DSC3: variants seen among roughly 807,000 people sequenced by gnomAD.
DSC3 encodes desmocollin 3.
A neutral mutation model predicts 89.5 loss-of-function variants in DSC3; 97 were observed. The ratio of observed to expected loss-of-function variants is 1.08; its 90% CI spans 0.92 to 1.28. DSC3 has a LOEUF of 1.28. Ranked by LOEUF, DSC3 falls within the 50% of genes most tolerant of loss-of-function variation. The pLI is 0.00. For synonymous variants in DSC3, 436 were observed against 384.1 expected (o/e 1.14, Z -1.58); for missense variants, 1,199 against 1,085.3 (o/e 1.10, Z -1.47).
In DSC3 at chr18:31,032,222, T is replaced by G. The variant is rs770393467; in HGVS notation, c.124A>C (p.Lys42Gln). Residue 42 changes from lysine to glutamine, a missense_variant, in exon 2 of 16, where the codon AAA becomes CAA. Lys to Gln is a moderately conservative substitution (Grantham distance 53). Transcript: ENST00000360428. The stretch of plus-strand genomic sequence containing the variant: ...CCAATTATTTTGTCTGCCTCTAGTT[T>G]AGAAGGTACATTAAGTATCACCTTT... ...CKKVILNVPS[K>Q]LEADKIIGRV... is the part of the protein sequence containing the mutation. The G allele has an allele frequency of 6.2e-7, 1 of 1,613,752 alleles. No homozygotes were observed. Among genetic ancestry groups the G allele is most frequent in the South Asian group, 1.1e-5 (1 of 91,082 alleles).
intron 14 of DSC3, among the ~76,000 whole-genome samples, chr18:30,997,679 G>A (rs1984523348): frequency 6.6e-6 from 1 of 152,182 alleles, no homozygotes; most frequent in Non-Finnish European, 1.5e-5. Flanking sequence ...TCCAGGGAGA[G>A]AGAAAAACAA....
chr18:31,029,189 C>T (rs1285570861), intron 4 of DSC3, among the ~76,000 whole-genome samples: 1 of 152,076 alleles, frequency 6.6e-6, no homozygotes, highest in Non-Finnish European at 1.5e-5. Flanking sequence ...AGGCCAATAA[C>T]CCACATGAGA....
In DSC3 at chr18:30,997,018, T is replaced by A; in HGVS notation, c.2266A>T (p.Thr756Ser). ...CSANGFMTQT[T>S]NNSSQGFCGT... ...CAAAAACCTTGGCTAGAGTTGTTGGTAGTTTGGGTCATAAATCCATTGGCA... is the reference window on the plus strand; with the variant it reads ...CAAAAACCTTGGCTAGAGTTGTTGGAAGTTTGGGTCATAAATCCATTGGCA... The change falls in exon 15 of 16, where the codon ACC becomes TCC. Residue 756 changes from threonine to serine, a missense_variant. Thr to Ser is a moderately conservative substitution (Grantham distance 58). Transcript: ENST00000360428. 1 of 1,614,146 alleles carries A rather than the reference T, an allele frequency of 6.2e-7. No homozygotes were observed. Among genetic ancestry groups the A allele is most frequent in the Non-Finnish European group, 8.5e-7 (1 of 1,180,016 alleles).
Position 31,042,689 on chromosome 18 carries a change from C to CG in DSC3, c.-30dup. 6.5e-7 allele frequency: 1 copy of CG among 1,544,878 alleles called. No individual in the cohort carries two copies. The highest frequency in any genetic ancestry group is 1.2e-5 in the South Asian group (1 of 83,736). ...GATGCCGGGCAGGGCCAGGAGAACG[C>CG]GGGCGCCGGGAGGGTGCCGAGAGCG... On this transcript the variant is annotated 5_prime_UTR_variant, in exon 1 of 16. Coordinates refer to ENST00000360428, the MANE Select transcript of DSC3 (RefSeq NM_001941.5).
chr18:31,025,782 CG>C lies in DSC3; in HGVS notation c.607del (p.Arg203ValfsTer9). 1.2e-6 allele frequency: 2 copies of C among 1,613,076 alleles called. No homozygotes were observed. The highest frequency in any genetic ancestry group is 8.5e-7 in the Non-Finnish European group (1 of 1,179,286). ...GNLFCTRPVD[R>X]EEYDVFDLIA... ...TACATCAAAAACATCATATTCTTCA[CG>C]ATCCACAGGCCGAGTGCAAAATAGA... On this transcript the variant is annotated frameshift_variant, in exon 5 of 16. Coordinates refer to ENST00000360428, the MANE Select transcript of DSC3 (RefSeq NM_001941.5). LOFTEE classifies it high-confidence loss of function.
intron 9 of DSC3, among the ~76,000 whole-genome samples, chr18:31,014,756 T>C (rs984077782): frequency 6.6e-6 from 1 of 152,110 alleles, no homozygotes; most frequent in Non-Finnish European, 1.5e-5. Context: ...CTGTGACATA[T>C]TGAATACAAA....
chr18:31,004,664 T>C (rs1984778273), intron 12 of DSC3, among the ~76,000 whole-genome samples: 1 of 152,220 alleles, frequency 6.6e-6, no homozygotes, highest in South Asian at 2.1e-4. Context: ...GCTGTTAACA[T>C]ACACTTCAAG....
At chr18:31,041,069 G>A (rs188693253) in intron 1 of DSC3, among the ~76,000 whole-genome samples, 1 of 151,750 alleles carries the variant, frequency 6.6e-6, no homozygotes, top group Admixed American at 6.6e-5. Flanking sequence ...TTAGATTTAC[G>A]CGCACCTTCT....
Position 31,031,104 on chromosome 18 carries a change from T to C in DSC3, c.223A>G (p.Asn75Asp). ...RSSDPDFRVL[N>D]DGSVYTARAV... Reference sequence around the variant, plus strand: ...CTGGCTGTGTACACTGACCCATCATTTAGAACTCTGAAATCAGGATCACTT... The same window carrying C: ...CTGGCTGTGTACACTGACCCATCATCTAGAACTCTGAAATCAGGATCACTT... The change falls in exon 3 of 16, where the codon AAT (asparagine) becomes GAT (aspartate). Residue 75 changes from asparagine to aspartate, a missense_variant. Physicochemically the swap from Asn to Asp is conservative, Grantham distance 23 (BLOSUM62 1). Transcript: ENST00000360428. 6.2e-7 allele frequency: 1 copy of C among 1,613,782 alleles called. No individual in the cohort carries two copies. The highest frequency in any genetic ancestry group is 8.5e-7 in the Non-Finnish European group (1 of 1,179,898).
chr18:31,032,554 A>ATGTGTG (rs936935279), intron 1 of DSC3, among the ~76,000 whole-genome samples: 64 of 92,372 alleles, frequency 6.9e-4, no homozygotes, highest in African/African-American at 1.8e-3. Flanking sequence ...TTCTGTGTGT[A>ATGTGTG]TGTGTGTGTG....
chr18:31,001,163 A>G (rs1355754602), intron 14 of DSC3, among the ~76,000 whole-genome samples: 2 of 149,712 alleles, frequency 1.3e-5, no homozygotes, highest in African/African-American at 4.9e-5. Flanking sequence ...CCTAAGAAAT[A>G]TATAAGGAAA....
chr18:31,006,979 C>A lies in DSC3; in HGVS notation c.1816G>T (p.Ala606Ser). ...AVDPDEPVHG[A>S]PFYFSLPNTS... is the part of the protein sequence containing the mutation. ...TTGGGCAAACTGAAATAAAATGGAG[C>A]TCCATGGACAGGTTCATCAGGATCA... Residue 606 changes from alanine (A) to serine (S), a missense_variant, in exon 12 of 16, where the codon GCT becomes TCT. By Grantham distance (99) the Ala-to-Ser change is moderately conservative. Transcript: ENST00000360428. 2 of 1,613,912 alleles carry A rather than the reference C, an allele frequency of 1.2e-6. No homozygotes were observed. Among genetic ancestry groups the A allele is most frequent in the Non-Finnish European group, 1.7e-6 (2 of 1,179,934 alleles).
In DSC3 at chr18:31,018,243, A is replaced by G; in HGVS notation, c.1091T>C (p.Val364Ala). 6.2e-7 allele frequency: 1 copy of G among 1,610,192 alleles called. No individual in the cohort carries two copies. Among genetic ancestry groups the G allele is most frequent in the African/African-American group, 1.3e-5 (1 of 74,954 alleles). Residue 364 changes from valine (V) to alanine (A), a missense_variant, in exon 9 of 16, where the codon GTA (valine) becomes GCA (alanine). Val to Ala is a moderately conservative substitution (Grantham distance 64, BLOSUM62 0). Coordinates refer to ENST00000360428, the MANE Select transcript of DSC3 (RefSeq NM_001941.5). ...TTCCACATTGAATGCATTTTCCTCT[A>G]CAAATGCTTCATACTGAAACAGAAA... ...TFRQNAYEAFVEENAFNVEIL... is the reference protein window; with the variant it reads ...TFRQNAYEAFAEENAFNVEIL...
intron 12 of DSC3, among the ~76,000 whole-genome samples, chr18:31,006,548 C>T (rs1984849800): frequency 6.6e-6 from 1 of 152,098 alleles, no homozygotes; most frequent in Admixed American, 6.6e-5. Flanking sequence ...GATCCACCCA[C>T]CTAGGCCTCC....
At chr18:31,035,597 CA>C (rs1447249515) in intron 1 of DSC3, among the ~76,000 whole-genome samples, 3 of 151,108 alleles carry the variant, frequency 2.0e-5, no homozygotes, top group Non-Finnish European at 3.0e-5. Context: ...TTTGAATCCC[CA>C]AAAAAAAGCT....
intron 15 of DSC3, chr18:30,994,616 G>T: frequency 1.4e-6 from 1 of 712,412 alleles, no homozygotes; most frequent in Non-Finnish European, 2.3e-6. Flanking sequence ...TTATATTTAA[G>T]TACATTCAAG....
intron 4 of DSC3, among the ~76,000 whole-genome samples, chr18:31,028,732 A>G (rs140740677): frequency 1.3e-5 from 2 of 152,278 alleles, no homozygotes; most frequent in African/African-American, 2.4e-5. Flanking sequence ...TCAATTGTGC[A>G]TGTTCTATTA....
In DSC3 at chr18:30,991,675, G is replaced by C. The variant is rs1373720926; in HGVS notation, c.*2500C>G. 1 of 152,138 alleles carries C rather than the reference G, an allele frequency of 6.6e-6. No individual in the cohort carries two copies. The highest frequency in any genetic ancestry group is 6.6e-5 in the Admixed American group (1 of 15,266). The allele number at this position is 152,138 out of a possible 1,614,324, so 9.4% of individuals were successfully genotyped here. ...TTTCAGTAGCCGTTAGATAAAACTG[G>C]CTTCTGGATACAGCAGGAAATTTCA... On this transcript the variant is annotated 3_prime_UTR_variant, in exon 16 of 16. Transcript: ENST00000360428.
rs1435532342 is a variant in DSC3, at chr18:31,008,365, G to C, written c.1424C>G (p.Ala475Gly). Residue 475 changes from alanine to glycine, a missense_variant, in exon 10 of 16, where the codon GCC (alanine) becomes GGC (glycine). By Grantham distance (60) the Ala-to-Gly change is moderately conservative. Coordinates refer to ENST00000360428, the MANE Select transcript of DSC3 (RefSeq NM_001941.5). Reference sequence around the variant, plus strand: ...GTTTTCTTTAATCCGCACATATTGGGCTGCAGGAGTGCATTCAGGCCCCTC... The same window carrying C: ...GTTTTCTTTAATCCGCACATATTGGCCTGCAGGAGTGCATTCAGGCCCCTC... ...LDEGPECTPA[A>G]QYVRIKENLA... 6.2e-7 allele frequency: 1 copy of C among 1,613,998 alleles called. No individual in the cohort carries two copies. Among genetic ancestry groups the C allele is most frequent in the Non-Finnish European group, 8.5e-7 (1 of 1,180,008 alleles).
Sources: gnomAD v4.1 joint callset for allele counts (sites outside exome capture counted in the v4.1 genomes callset) on GRCh38, gnomAD v4.1.1 for gene constraint, MANE v1.5 for transcripts, NCBI Gene and HGNC (gene_info 2026-07-23, HGNC 2026-07-21) for gene names.